Variants in TRERF1 observed in about 807,000 individuals in gnomAD.
TRERF1 encodes transcriptional regulating factor 1.
Under a neutral mutation model 122.9 loss-of-function variants are expected in TRERF1, and 27 were observed. The observed-to-expected ratio is 0.22, with a 90% CI of 0.16 to 0.30. The LOEUF (loss-of-function observed/expected upper bound fraction) is 0.30, where lower values mean the gene tolerates loss of function less well. TRERF1 is among the 10% of genes least tolerant of loss of function. The probability of loss-of-function intolerance (pLI) is 1.00; values close to 1 mark genes in which losing one functional copy is unlikely to be tolerated. For synonymous variants in TRERF1, 636 were observed against 641.7 expected (o/e 0.99, Z 0.13); for missense variants, 1,248 against 1,560.3 (o/e 0.80, Z 3.37).
rs774600315 is a variant in TRERF1 at position 42,259,763 on chromosome 6, T to TC, written c.1885-41dup. ...ACGATCTGATTCGAATACTTCAGCT[T>TC]CCCCCGCAGGCCATTTCCACAGGTT... On this transcript the variant is annotated intron_variant, in intron 8 of 17. Coordinates refer to ENST00000372922, the Ensembl canonical transcript of TRERF1. This position sits in a 1 kb window ranked among gnomAD's most constrained non-coding sequence, Gnocchi z 4.9. The TC allele has an allele frequency of 6.3e-7, 1 of 1,598,070 alleles. No homozygotes were observed. The highest frequency in any genetic ancestry group is 2.2e-5 in the East Asian group (1 of 44,846).
intron 3 of TRERF1, among the ~76,000 whole-genome samples, chr6:42,307,378 GA>G (rs775372180): frequency 4.5e-4 from 68 of 152,248 alleles, no homozygotes; most frequent in Admixed American, 2.9e-3. Context: ...ATGTGTTTCT[GA>G]AATACACTTA....
chr6:42,372,894 G>C (rs1488893459), intron 2 of TRERF1, among the ~76,000 whole-genome samples: 1 of 152,206 alleles, frequency 6.6e-6, no homozygotes, highest in African/African-American at 2.4e-5. Context: ...CAGGCAAAGG[G>C]TAAGAGTGTG....
At chr6:42,305,543 G>T (rs1432092536) in intron 3 of TRERF1, among the ~76,000 whole-genome samples, 1 of 152,110 alleles carries the variant, frequency 6.6e-6, no homozygotes, top group Admixed American at 6.6e-5. Context: ...ATCAAAGAGG[G>T]GTTCTCTGCA....
intron 16 of TRERF1, among the ~76,000 whole-genome samples, chr6:42,233,565 G>A (rs907978407): frequency 3.5e-4 from 53 of 152,270 alleles, no homozygotes; most frequent in African/African-American, 5.5e-4. Context: ...GATTACAGGC[G>A]TGAGCCACCA....
At chr6:42,271,595 AC>A (rs558428435) in intron 4 of TRERF1, among the ~76,000 whole-genome samples, 19 of 150,704 alleles carry the variant, frequency 1.3e-4, no homozygotes, top group East Asian at 7.8e-4. Context: ...TTAAAAAGTC[AC>A]CCCCCCCAAA....
intron 3 of TRERF1, among the ~76,000 whole-genome samples, chr6:42,302,306 G>A (rs1786349307): frequency 6.6e-6 from 1 of 151,966 alleles, no homozygotes; most frequent in South Asian, 2.1e-4. Context: ...ACCTTTAACT[G>A]CCTATTTCCT....
intron 2 of TRERF1, among the ~76,000 whole-genome samples, chr6:42,441,323 C>G (rs1786480736): frequency 6.6e-6 from 1 of 152,048 alleles, no homozygotes; most frequent in African/African-American, 2.4e-5. Context: ...CGTAGAGTTG[C>G]TCAAAGGGGG....
chr6:42,306,592 C>T (rs562963394), intron 3 of TRERF1, among the ~76,000 whole-genome samples: 1 of 152,338 alleles, frequency 6.6e-6, no homozygotes, highest in East Asian at 1.9e-4. Context: ...CCCCTCCTTG[C>T]TCACAGCTCC....
intron 2 of TRERF1, among the ~76,000 whole-genome samples, chr6:42,368,186 G>A (rs1316898178): frequency 6.6e-6 from 1 of 152,080 alleles, no homozygotes; most frequent in Non-Finnish European, 1.5e-5. Context: ...CTGTGCTCCA[G>A]TAAATACTCG....
intron 7 of TRERF1, among the ~76,000 whole-genome samples, 159 bp downstream of exon 7, chr6:42,264,545 C>A (rs1778801680): frequency 2.6e-5 from 4 of 152,250 alleles, no homozygotes; most frequent in Admixed American, 6.5e-5. Context: ...GCTGCTTGAC[C>A]TGGCTGGCTC....
At chr6:42,439,040 T>TAA (rs1257997245) in intron 2 of TRERF1, among the ~76,000 whole-genome samples, 1 of 152,092 alleles carries the variant, frequency 6.6e-6, no homozygotes, top group Non-Finnish European at 1.5e-5. Flanking sequence ...AAGTGCCTCT[T>TAA]AGAGACTGAA....
chr6:42,232,240 A>C lies in TRERF1; in HGVS notation c.3278+441T>G, dbSNP rs772047357. Among the ~76,000 whole-genome samples, 68 of 152,356 alleles carry C rather than the reference A, an allele frequency of 4.5e-4. No individual in the cohort carries two copies. The highest frequency in any genetic ancestry group is 8.1e-4 in the Non-Finnish European group (55 of 68,036). ...TTGATTAGTGATGTCTGCCTTAGTC[A>C]CAGAAGTAAGCGAAGGTGGTAGGAT... On this transcript the variant is annotated intron_variant, in intron 17 of 17. Coordinates refer to ENST00000372922, the Ensembl canonical transcript of TRERF1. This position sits in a 1 kb window ranked among gnomAD's most constrained non-coding sequence, Gnocchi z 4.5.
At chr6:42,225,325 T>A (rs1208051153) in exon 18 of TRERF1, 1 of 151,956 alleles carries the variant, frequency 6.6e-6, no homozygotes, top group Non-Finnish European at 1.5e-5. Flanking sequence ...AAACTTTTTT[T>A]AAACCCCTGG....
intron 4 of TRERF1, among the ~76,000 whole-genome samples, chr6:42,287,803 C>G (rs111788585): frequency 1.1e-3 from 168 of 152,262 alleles, no homozygotes; most frequent in Non-Finnish European, 2.1e-3. Flanking sequence ...GGTCTCACCC[C>G]CTCCAGCCCT....
chr6:42,227,643 G>C (rs544642430), exon 18 of TRERF1: 1 of 152,366 alleles, frequency 6.6e-6, no homozygotes, highest in Admixed American at 6.5e-5. Flanking sequence ...GGACACACCT[G>C]TTCTAGAAAA....
chr6:42,286,065 T>G (rs1173625877), intron 4 of TRERF1, among the ~76,000 whole-genome samples: 1 of 151,088 alleles, frequency 6.6e-6, no homozygotes, highest in Non-Finnish European at 1.5e-5. Context: ...TAATAAATGG[T>G]GCTGGGAAAA....
chr6:42,358,737 T>C (rs1771087896), intron 3 of TRERF1, among the ~76,000 whole-genome samples: 1 of 151,988 alleles, frequency 6.6e-6, no homozygotes, highest in South Asian at 2.1e-4. Flanking sequence ...ATGTCCTAAC[T>C]TGGCAAAATA....
At chr6:42,413,117 G>A (rs191056073) in intron 2 of TRERF1, among the ~76,000 whole-genome samples, 52 of 152,174 alleles carry the variant, frequency 3.4e-4, no homozygotes, top group African/African-American at 1.1e-3. Context: ...GAAAGAATAC[G>A]GCCACTAATG....
At position 42,228,327 on chromosome 6, in the gene TRERF1, T is replaced by C; in HGVS notation, c.*18A>G. On this transcript the variant is annotated 3_prime_UTR_variant, in exon 18 of 18. Transcript: ENST00000372922. The surrounding 1 kb of genome is among the most constrained non-coding windows in gnomAD (Gnocchi z 4.2). ...GGAGGCCGTGGGTTTTCACTGTCTC[T>C]AAGTGACACACAGGGCTTTATAGTT... 1 of 1,589,656 alleles carries C rather than the reference T, an allele frequency of 6.3e-7. No individual in the cohort carries two copies. The highest frequency in any genetic ancestry group is 8.6e-7 in the Non-Finnish European group (1 of 1,165,232).
Sources: allele counts gnomAD v4.1 joint callset (sites outside exome capture counted in the v4.1 genomes callset), GRCh38; gene constraint gnomAD v4.1.1; non-coding constraint Gnocchi (gnomAD v3.1); transcripts MANE v1.5; gene names NCBI Gene and HGNC (gene_info 2026-07-23, HGNC 2026-07-21).